NDE1: variants seen among roughly 807,000 people sequenced by gnomAD.
NDE1 encodes the protein nudE neurodevelopment protein 1, also known as nuclear distribution protein nudE homolog 1.
Under a neutral mutation model 43.4 loss-of-function variants are expected in NDE1, and 28 were observed. That is an observed-to-expected ratio of 0.65 (90% CI 0.48 to 0.89). The LOEUF (loss-of-function observed/expected upper bound fraction) is 0.89. Ranked by LOEUF, NDE1 falls within the 40% of genes least tolerant of loss-of-function variation. The pLI, the probability that NDE1 is intolerant of heterozygous loss-of-function variation, is 0.00. For synonymous variants in NDE1, 184 were observed against 172.0 expected (o/e 1.07, Z -0.55); for missense variants, 441 against 434.1 (o/e 1.02, Z -0.14).
chr16:15,661,903 T>A (rs1013138572), intron 1 of NDE1, among the ~76,000 whole-genome samples: 1 of 152,002 alleles, frequency 6.6e-6, no homozygotes, highest in Non-Finnish European at 1.5e-5. Flanking sequence ...TAAATATTTT[T>A]GGAGTCCATT....
At chr16:15,688,689 CTTTTTTTTTTTTTTTTT>C (rs1194565114) in intron 5 of NDE1, among the ~76,000 whole-genome samples, 1 of 59,990 alleles carries the variant, frequency 1.7e-5, no homozygotes, top group Non-Finnish European at 3.0e-5. Context: ...TTGTTTTTAC[CTTTTTTTTTTTTTTTTT>C]TTTTTTTTTT....
chr16:15,650,782 C>T (rs2036461643), intron 1 of NDE1, among the ~76,000 whole-genome samples: 1 of 152,198 alleles, frequency 6.6e-6, no homozygotes, highest in Admixed American at 6.5e-5. Context: ...TCCTGCCACC[C>T]GCTTCTCTGC....
At chr16:15,695,203 CTTTTTTTTT>C (rs71134451) in intron 7 of NDE1, among the ~76,000 whole-genome samples, 5 of 79,686 alleles carry the variant, frequency 6.3e-5, no homozygotes, top group South Asian at 4.8e-4. Flanking sequence ...AAACTGCCAC[CTTTTTTTTT>C]TTTTTTTTTT....
At chr16:15,707,267 T>A (rs752719725) in intron 8 of NDE1, among the ~76,000 whole-genome samples, 1 of 152,108 alleles carries the variant, frequency 6.6e-6, no homozygotes, top group Non-Finnish European at 1.5e-5. Context: ...GACCTCAAGT[T>A]ATCTGCCCGC....
chr16:15,658,833 T>C (rs995503988), intron 1 of NDE1, among the ~76,000 whole-genome samples: 1 of 152,050 alleles, frequency 6.6e-6, no homozygotes, highest in African/African-American at 2.4e-5. Flanking sequence ...ATTTTTGTGC[T>C]TTTAGTGTAG....
upstream of NDE1, among the ~76,000 whole-genome samples, chr16:15,648,833 T>C (rs2036385871): frequency 6.6e-6 from 1 of 151,942 alleles, no homozygotes; most frequent in Admixed American, 6.6e-5. Flanking sequence ...TATTTTTTAA[T>C]TTTAATTTGT....
At chr16:15,657,201 G>A (rs970530850) in intron 1 of NDE1, among the ~76,000 whole-genome samples, 6 of 151,850 alleles carry the variant, frequency 4.0e-5, no homozygotes, top group Non-Finnish European at 8.8e-5. Flanking sequence ...GGGTTCAAGC[G>A]ATTTTCCTGC....
At chr16:15,678,633 G>A (rs1447401613) in intron 4 of NDE1, among the ~76,000 whole-genome samples, 3 of 152,014 alleles carry the variant, frequency 2.0e-5, no homozygotes, top group South Asian at 2.1e-4. Context: ...GAGCCACTGC[G>A]CCCAGCCCAG....
At chr16:15,653,758 C>T (rs1193398941) in intron 1 of NDE1, among the ~76,000 whole-genome samples, 2 of 149,484 alleles carry the variant, frequency 1.3e-5, no homozygotes, top group Non-Finnish European at 1.5e-5. Flanking sequence ...GACGGGTTCT[C>T]GCTCTGTCAC....
rs558010405 is a variant in NDE1 at position 15,703,763 on chromosome 16, A to G, written c.947+6903A>G. On this transcript the variant is annotated intron_variant, in intron 8 of 8. Coordinates refer to ENST00000396354, the MANE Select transcript of NDE1 (RefSeq NM_017668.3). ...ACCACCACGCCCAGCTTATTTTTAA[A>G]TTCTTGTATAGATGAGGTTTTACTA... 6.6e-4 allele frequency: 387 copies of G among 586,018 alleles called. 1 individual carries two copies. Among genetic ancestry groups the G allele is most frequent in the Non-Finnish European group, 9.9e-4 (326 of 330,946 alleles). 36.3% of individuals were successfully genotyped at this position (586,018 alleles called of 1,614,324 possible). A position where few individuals can be genotyped will look rare whatever the true frequency, so the allele number is the denominator to read the frequency against.
intron 1 of NDE1, among the ~76,000 whole-genome samples, chr16:15,660,589 G>C (rs2036993180): frequency 6.6e-6 from 1 of 152,068 alleles, no homozygotes; most frequent in African/African-American, 2.4e-5. Flanking sequence ...TCGTCTTTTA[G>C]GTAATTCTCC....
intron 4 of NDE1, among the ~76,000 whole-genome samples, chr16:15,683,012 C>T (rs1008930689): frequency 1.3e-5 from 2 of 151,728 alleles, no homozygotes; most frequent in Non-Finnish European, 2.9e-5. Flanking sequence ...GTCCAACTTA[C>T]ACATTTTTTT....
At chr16:15,666,896 ACTTT>A (rs1408965552) in intron 2 of NDE1, among the ~76,000 whole-genome samples, 1 of 152,122 alleles carries the variant, frequency 6.6e-6, no homozygotes, top group Non-Finnish European at 1.5e-5. Flanking sequence ...AGCCCTTCCT[ACTTT>A]CTTTATTCTA....
intron 3 of NDE1, among the ~76,000 whole-genome samples, chr16:15,676,652 C>G (rs2037896704): frequency 6.6e-6 from 1 of 151,946 alleles, no homozygotes; most frequent in Non-Finnish European, 1.5e-5. Context: ...GTTGTGGGCA[C>G]AAACAACGGA....
chr16:15,702,600 G>A (rs559608317), intron 8 of NDE1, among the ~76,000 whole-genome samples: 24 of 151,768 alleles, frequency 1.6e-4, no homozygotes, highest in Admixed American at 2.6e-4. Context: ...ATAGAGACGG[G>A]GGTCTCTCTC....
chr16:15,648,121 G>C (rs8062653), upstream of NDE1, among the ~76,000 whole-genome samples: 1 of 151,832 alleles, frequency 6.6e-6, no homozygotes, highest in Non-Finnish European at 1.5e-5. Flanking sequence ...GGGTACATGA[G>C]ATATTTTGAT....
chr16:15,711,525 T>A (rs1192370781), intron 8 of NDE1, among the ~76,000 whole-genome samples: 1 of 152,202 alleles, frequency 6.6e-6, no homozygotes, highest in Non-Finnish European at 1.5e-5. Context: ...GGAGGTATGT[T>A]TATTTGCCGT....
chr16:15,698,056 CCT>C (rs1408516652), intron 8 of NDE1, among the ~76,000 whole-genome samples: 6 of 152,128 alleles, frequency 3.9e-5, no homozygotes, highest in African/African-American at 1.4e-4. Flanking sequence ...CCCACCTCGG[CCT>C]CTCAAAGTGC....
chr16:15,672,364 G>A (rs1000758401), intron 3 of NDE1, among the ~76,000 whole-genome samples: 5 of 152,192 alleles, frequency 3.3e-5, no homozygotes, highest in Admixed American at 2.0e-4. Flanking sequence ...CCTAGGAGGT[G>A]GAGGTTGCAG....
Sources: gnomAD v4.1 joint callset for allele counts (sites outside exome capture counted in the v4.1 genomes callset) on GRCh38, gnomAD v4.1.1 for gene constraint, MANE v1.5 for transcripts, NCBI Gene and HGNC (gene_info 2026-07-23, HGNC 2026-07-21) for gene names.